Variants in PPP1R13B observed in about 807,000 individuals in gnomAD.
The protein encoded by PPP1R13B is apoptosis-stimulating of p53 protein 1.
In PPP1R13B, 44 loss-of-function variants were observed where a neutral mutation model predicts 119.8. The observed-to-expected ratio is 0.37, with a 90% CI of 0.29 to 0.47. PPP1R13B has a LOEUF of 0.47. Ranked by LOEUF, PPP1R13B falls within the 20% of genes least tolerant of loss-of-function variation. The pLI, the probability that PPP1R13B is intolerant of heterozygous loss-of-function variation, is 0.99. For missense variants in PPP1R13B, 1,227 were observed against 1,413.5 expected (o/e 0.87, Z 2.12); for synonymous variants, 542 against 561.5 (o/e 0.97, Z 0.49).
rs1287577437 is a variant in PPP1R13B, at chr14:103,832,135, A to G, written c.9+15164T>C. On this transcript the variant is annotated intron_variant, in intron 1 of 16. Transcript: ENST00000202556. The stretch of plus-strand genomic sequence containing the variant: ...AAAAAAAAAAAAAAGTTATGTTTCT[A>G]TTGCACACAGCTCATCTAAAATGTA... 4.6e-5 allele frequency among the ~76,000 whole-genome samples: 7 copies of G among 152,016 alleles called. No homozygotes were observed. The South Asian group carries it at 1.5e-3, about 32-fold the overall frequency.
chr14:103,827,251 G>A (rs1340721651), intron 1 of PPP1R13B, among the ~76,000 whole-genome samples: 1 of 151,968 alleles, frequency 6.6e-6, no homozygotes, highest in Non-Finnish European at 1.5e-5. Context: ...CAGGAGAATG[G>A]TGTGAACCCG....
chr14:103,848,106 G>A (rs921041724), upstream of PPP1R13B, among the ~76,000 whole-genome samples: 3 of 151,986 alleles, frequency 2.0e-5, no homozygotes, highest in Non-Finnish European at 2.9e-5. Flanking sequence ...CCGCGCGCTC[G>A]GAACCAGCCC....
intron 16 of PPP1R13B, 91 bp from the exon 17 acceptor site, chr14:103,735,286 C>G: frequency 7.8e-7 from 1 of 1,277,490 alleles, no homozygotes; most frequent in Non-Finnish European, 1.1e-6. Flanking sequence ...CCTCAGCCAC[C>G]CTGGACAGCC....
At chr14:103,827,053 G>A (rs1356162960) in intron 1 of PPP1R13B, among the ~76,000 whole-genome samples, 8 of 140,148 alleles carry the variant, frequency 5.7e-5, no homozygotes, top group Admixed American at 2.2e-4. Context: ...GGCTGGGCAC[G>A]GTGGCACACG....
At chr14:103,821,794 C>T (rs2086416383) in intron 1 of PPP1R13B, among the ~76,000 whole-genome samples, 1 of 151,820 alleles carries the variant, frequency 6.6e-6, no homozygotes, top group Non-Finnish European at 1.5e-5. Flanking sequence ...TAAAGAGGAG[C>T]TGACCACAAA....
chr14:103,788,464 G>A (rs1374412541), intron 2 of PPP1R13B, among the ~76,000 whole-genome samples: 1 of 152,026 alleles, frequency 6.6e-6, no homozygotes, highest in Non-Finnish European at 1.5e-5. Context: ...AGATTGATAC[G>A]GATGCATGTA....
chr14:103,766,201 G>C (rs979913609), intron 4 of PPP1R13B, among the ~76,000 whole-genome samples: 2 of 151,838 alleles, frequency 1.3e-5, no homozygotes, highest in Admixed American at 1.3e-4. Flanking sequence ...GTAGAGATGG[G>C]GTTTCACCAT....
chr14:103,793,343 T>C (rs541582345), intron 2 of PPP1R13B, among the ~76,000 whole-genome samples: 1 of 152,252 alleles, frequency 6.6e-6, no homozygotes, highest in African/African-American at 2.4e-5. Flanking sequence ...CACTGAATCA[T>C]GGAGGTGGTT....
Position 103,734,778 on chromosome 14 carries a change from C to A in PPP1R13B, c.*376G>T. The A allele has an allele frequency of 2.2e-6, 1 of 464,910 alleles. No homozygotes were observed. The highest frequency in any genetic ancestry group is 2.3e-5 in the Admixed American group (1 of 42,774). 28.8% of individuals were successfully genotyped at this position (464,910 alleles called of 1,614,324 possible). On this transcript the variant is annotated 3_prime_UTR_variant, in exon 17 of 17. Transcript: ENST00000202556. ...GGGGAGCAGGCCTCACAGCGGCGGA[C>A]AGTGTTCACTGCTGGAGGGGGTGAT...
chr14:103,792,852 C>T (rs111251179), intron 2 of PPP1R13B, among the ~76,000 whole-genome samples: 1 of 151,798 alleles, frequency 6.6e-6, no homozygotes, highest in Non-Finnish European at 1.5e-5. Context: ...AGGTGGATCA[C>T]GAGGTCAGGA....
rs1313681796 is a variant in PPP1R13B at position 103,733,445 on chromosome 14, T to TAGCC, written c.*1705_*1708dup. On this transcript the variant is annotated 3_prime_UTR_variant, in exon 17 of 17. Coordinates refer to ENST00000202556, the MANE Select transcript of PPP1R13B (RefSeq NM_015316.3). ...TGCAGTGGAGCCTGTTCGCCTCTAA[T>TAGCC]AGCCAGTTTACAGCACTTGCCTTAG... is the stretch of plus-strand genomic sequence containing the variant. 5.8e-6 allele frequency: 1 copy of TAGCC among 172,076 alleles called. No homozygotes were observed. The highest frequency in any genetic ancestry group is 2.4e-5 in the African/African-American group (1 of 41,748). 10.7% of individuals were successfully genotyped at this position (172,076 alleles called of 1,614,324 possible). A position where few individuals can be genotyped will look rare whatever the true frequency, so the allele number is the denominator to read the frequency against.
intron 8 of PPP1R13B, among the ~76,000 whole-genome samples, chr14:103,748,197 G>A (rs2084441634): frequency 1.3e-5 from 2 of 152,204 alleles, no homozygotes; most frequent in African/African-American, 4.8e-5. Flanking sequence ...TAAGCACAGG[G>A]AAAGTGCTTG....
At chr14:103,847,276 A>G in intron 1 of PPP1R13B, 23 bp downstream of exon 1, 1 of 1,190,230 alleles carries the variant, frequency 8.4e-7, no homozygotes, top group Non-Finnish European at 1.1e-6. Context: ...AGCCGCCGCC[A>G]CCTCCCGCCC....
chr14:103,782,144 C>T (rs1305807374), intron 3 of PPP1R13B, among the ~76,000 whole-genome samples: 1 of 152,138 alleles, frequency 6.6e-6, no homozygotes, highest in African/African-American at 2.4e-5. Flanking sequence ...ACAACATCCC[C>T]AGTTGCGTAG....
At chr14:103,791,124 CT>C (rs74264751) in intron 2 of PPP1R13B, among the ~76,000 whole-genome samples, 202 of 144,834 alleles carry the variant, frequency 1.4e-3, no homozygotes, top group Admixed American at 2.4e-3. Flanking sequence ...CTTTTTTCTT[CT>C]TTTTTTTTTT....
intron 5 of PPP1R13B, 150 bp from the exon 6 acceptor site, chr14:103,754,394 G>T: frequency 1.5e-6 from 1 of 650,790 alleles, no homozygotes; most frequent in African/African-American, 1.8e-5. Flanking sequence ...GTGAAACCCT[G>T]TCTCTACTAA....
chr14:103,795,060 C>T (rs779133551), intron 2 of PPP1R13B, among the ~76,000 whole-genome samples: 6 of 152,162 alleles, frequency 3.9e-5, no homozygotes, highest in Non-Finnish European at 7.3e-5. Context: ...TCTCCTGCCT[C>T]CCAAGAAGCT....
rs1371368453 is a variant in PPP1R13B at position 103,804,388 on chromosome 14, A to G, written c.10-6870T>C. Among the ~76,000 whole-genome samples, 10 of 152,188 alleles carry G rather than the reference A, an allele frequency of 6.6e-5. No individual in the cohort carries two copies. The South Asian group carries it at 2.1e-3, about 31-fold the overall frequency. On this transcript the variant is annotated intron_variant, in intron 1 of 16. Transcript: ENST00000202556. ...AACTATTTTCTTGGCAATCCAAGGAAACCAAAGCAAAACACAAATTGAGGA... is the reference window on the plus strand; with the variant it reads ...AACTATTTTCTTGGCAATCCAAGGAGACCAAAGCAAAACACAAATTGAGGA...
At chr14:103,837,932 A>G (rs2086815269) in intron 1 of PPP1R13B, among the ~76,000 whole-genome samples, 1 of 152,188 alleles carries the variant, frequency 6.6e-6, no homozygotes, top group African/African-American at 2.4e-5. Flanking sequence ...CAGCCTGGAC[A>G]ACATGGTGAA....
Sources: allele counts gnomAD v4.1 joint callset (sites outside exome capture counted in the v4.1 genomes callset), GRCh38; gene constraint gnomAD v4.1.1; transcripts MANE v1.5; gene names NCBI Gene and HGNC (gene_info 2026-07-23, HGNC 2026-07-21).